The following CAPN5 variants were observed in gnomAD, a reference collection of about 807,000 sequenced individuals.
CAPN5 encodes calpain 5.
A neutral mutation model predicts 73.0 loss-of-function variants in CAPN5; 54 were observed. The observed-to-expected ratio is 0.74, with a 90% CI of 0.59 to 0.93. CAPN5 has a LOEUF of 0.93. Ranked by LOEUF, CAPN5 falls within the 40% of genes least tolerant of loss-of-function variation. The pLI is 0.00. For missense variants in CAPN5, 785 were observed against 882.9 expected (o/e 0.89, Z 1.41); for synonymous variants, 335 against 356.9 (o/e 0.94, Z 0.69).
intron 1 of CAPN5, among the ~76,000 whole-genome samples, chr11:77,078,183 G>A (rs997264720): frequency 6.6e-6 from 1 of 152,122 alleles, no homozygotes; most frequent in African/African-American, 2.4e-5. Context: ...TCTTCTAGTA[G>A]TTTCATAATT....
At chr11:77,067,738 C>T (rs1410052758) in intron 1 of CAPN5, among the ~76,000 whole-genome samples, 1 of 151,198 alleles carries the variant, frequency 6.6e-6, no homozygotes, top group Non-Finnish European at 1.5e-5. Flanking sequence ...GAGTTCCCAC[C>T]TCTGTTCCTT....
Position 77,117,413 on chromosome 11 carries a change from C to T in CAPN5, c.972-744C>T, listed in dbSNP as rs186477891. Among the ~76,000 whole-genome samples, 412 of 152,224 alleles carry T rather than the reference C, an allele frequency of 2.7e-3. 1 individual carries two copies. Among genetic ancestry groups the T allele is most frequent in the African/African-American group, 9.1e-3 (379 of 41,528 alleles). On this transcript the variant is annotated intron_variant, in intron 7 of 12. Transcript: ENST00000648180. ...GTGTGTGCTGGATTCTGTCAGGGCC[C>T]CCAGGCAGACTGGGGGCAGATGGCA... is the stretch of plus-strand genomic sequence containing the variant.
intron 3 of CAPN5, chr11:77,103,077 A>G (rs782030472): frequency 6.2e-7 from 1 of 1,613,860 alleles, no homozygotes; most frequent in African/African-American, 1.3e-5. Flanking sequence ...CAAGGTCACC[A>G]TCACAGGCAC....
chr11:77,077,370 T>C (rs1334354479), intron 1 of CAPN5, among the ~76,000 whole-genome samples: 1 of 152,036 alleles, frequency 6.6e-6, no homozygotes, highest in Non-Finnish European at 1.5e-5. Flanking sequence ...AAAAAAGATT[T>C]TAAAAAAGTC....
chr11:77,097,002 C>T lies in CAPN5; in HGVS notation c.297+3189C>T, dbSNP rs978672448. Among the ~76,000 whole-genome samples the T allele has an allele frequency of 2.6e-5, 4 of 152,210 alleles. No individual in the cohort carries two copies. In the East Asian group the frequency reaches 7.7e-4, roughly 29 times the overall value. Reference sequence around the variant, plus strand: ...CTTTGGGAGGCTGAGGTGGGCGGATCACGAGGTCAGGAGATCAAGACCACC... The same window carrying T: ...CTTTGGGAGGCTGAGGTGGGCGGATTACGAGGTCAGGAGATCAAGACCACC... On this transcript the variant is annotated intron_variant, in intron 3 of 12. Transcript: ENST00000648180.
intron 10 of CAPN5, among the ~76,000 whole-genome samples, chr11:77,121,618 A>G (rs1233141526): frequency 1.3e-5 from 2 of 152,250 alleles, no homozygotes; most frequent in Non-Finnish European, 2.9e-5. Flanking sequence ...CATGGGCACC[A>G]TAATAGCCTT....
rs782154937 is a variant in CAPN5, at chr11:77,084,884, A to G, written c.-3A>G. ...CCCTCCCCTCCCTGGGGCAGCAGCC[A>G]CCATGTTCTCGTGTGTGAAGCCCTA... On this transcript the variant is annotated 5_prime_UTR_variant, in exon 2 of 13. Transcript: ENST00000648180. The G allele has an allele frequency of 1.2e-6, 2 of 1,613,894 alleles. No individual in the cohort carries two copies. The highest frequency in any genetic ancestry group is 1.7e-6 in the Non-Finnish European group (2 of 1,179,978).
At chr11:77,094,169 G>A (rs565118447) in intron 3 of CAPN5, among the ~76,000 whole-genome samples, 1 of 152,376 alleles carries the variant, frequency 6.6e-6, no homozygotes, top group South Asian at 2.1e-4. Flanking sequence ...GGAGACCCCT[G>A]ACAGACACAG....
At chr11:77,117,724 A>G (rs147699451) in intron 7 of CAPN5, among the ~76,000 whole-genome samples, 141 of 152,252 alleles carry the variant, frequency 9.3e-4, no homozygotes, top group African/African-American at 3.2e-3. Context: ...CCCACCATCC[A>G]CTTACTCAGG....
intron 2 of CAPN5, among the ~76,000 whole-genome samples, chr11:77,088,320 C>T (rs1015903963): frequency 7.2e-5 from 11 of 152,292 alleles, no homozygotes; most frequent in African/African-American, 2.2e-4. Flanking sequence ...CCCTACTCCT[C>T]GGCTCCCTGA....
intron 3 of CAPN5, among the ~76,000 whole-genome samples, chr11:77,101,290 TCAA>T (rs1445135758): frequency 1.3e-5 from 2 of 152,022 alleles, no homozygotes; most frequent in African/African-American, 4.8e-5. Context: ...ACTGAGCAAC[TCAA>T]CAAATAAAAA....
At chr11:77,107,926 C>A (rs1950368213) in intron 3 of CAPN5, among the ~76,000 whole-genome samples, 1 of 152,180 alleles carries the variant, frequency 6.6e-6, no homozygotes, top group Admixed American at 6.5e-5. Context: ...CACAGATGAC[C>A]CCTCATGTGT....
intron 7 of CAPN5, among the ~76,000 whole-genome samples, chr11:77,117,448 G>C (rs929274045): frequency 6.6e-6 from 1 of 152,136 alleles, no homozygotes; most frequent in Non-Finnish European, 1.5e-5. Flanking sequence ...AGTGGTCCTG[G>C]CACCCAATGA....
intron 3 of CAPN5, among the ~76,000 whole-genome samples, chr11:77,105,188 A>G (rs993586874): frequency 3.3e-5 from 5 of 150,310 alleles, no homozygotes; most frequent in South Asian, 2.1e-4. Context: ...CAGGTCCCCA[A>G]TAAAGCCTGT....
intron 3 of CAPN5, chr11:77,103,203 G>A (rs782632842): frequency 1.5e-5 from 24 of 1,613,576 alleles, no homozygotes; most frequent in African/African-American, 4.0e-5. Flanking sequence ...TGAGGCCGAC[G>A]CCCTGGAGTT....
Position 77,087,040 on chromosome 11 carries a change from G to A in CAPN5, c.165+1989G>A, listed in dbSNP as rs1420552784. The stretch of plus-strand genomic sequence containing the variant: ...AGAGCTGCCCTGCCCTGGATGTGGG[G>A]GCAGGTGACAGAGAGCGTATGGTGG... On this transcript the variant is annotated intron_variant, in intron 2 of 12. Transcript: ENST00000648180. Among the ~76,000 whole-genome samples the A allele has an allele frequency of 2.0e-5, 3 of 152,210 alleles. No homozygotes were observed. The East Asian group carries it at 5.8e-4, about 29-fold the overall frequency.
Position 77,118,252 on chromosome 11 carries a change from A to G in CAPN5, c.1067A>G (p.Glu356Gly). 1 of 1,614,108 alleles carries G rather than the reference A, an allele frequency of 6.2e-7. No individual in the cohort carries two copies. The highest frequency in any genetic ancestry group is 8.5e-7 in the Non-Finnish European group (1 of 1,180,020). Reference protein sequence around the residue: ...SHLSIHKTWEEARLHGAWTLH... With the variant: ...SHLSIHKTWEGARLHGAWTLH... ...CTGAGCATCCACAAGACGTGGGAGG[A>G]GGCCCGGCTGCATGGCGCCTGGACG... Residue 356 changes from glutamate to glycine, a missense_variant, in exon 8 of 13, where the codon GAG becomes GGG. Physicochemically the swap from Glu to Gly is moderately conservative, Grantham distance 98. Transcript: ENST00000648180.
intron 5 of CAPN5, 57 bp downstream of exon 5, chr11:77,114,491 A>AT: frequency 6.7e-7 from 1 of 1,490,360 alleles, no homozygotes; most frequent in South Asian, 1.1e-5. Flanking sequence ...GCTGACTGAG[A>AT]TGGGAGACAA....
chr11:77,122,514 T>C (rs1950530778), intron 11 of CAPN5, 62 bp from the exon 12 acceptor site: 4 of 1,369,558 alleles, frequency 2.9e-6, no homozygotes, highest in Admixed American at 2.0e-5. Context: ...CCTGTAGATA[T>C]CTGTGGCCCT....
Sources: gnomAD v4.1 joint callset for allele counts (sites outside exome capture counted in the v4.1 genomes callset) on GRCh38, gnomAD v4.1.1 for gene constraint, MANE v1.5 for transcripts, NCBI Gene and HGNC (gene_info 2026-07-23, HGNC 2026-07-21) for gene names.